Variants in MIPOL1 observed in about 807,000 individuals in gnomAD.
MIPOL1 encodes the protein mirror-image polydactyly 1.
Under a neutral mutation model 60.9 loss-of-function variants are expected in MIPOL1, and 57 were observed. That is an observed-to-expected ratio of 0.94 (90% CI 0.76 to 1.17). The LOEUF is 1.17. MIPOL1 is among the 50% of genes most tolerant of loss of function. The probability of loss-of-function intolerance (pLI) is 0.00; values close to 1 mark genes in which losing one functional copy is unlikely to be tolerated. For missense variants in MIPOL1, 551 were observed against 511.6 expected (o/e 1.08, Z -0.74); for synonymous variants, 179 against 168.8 (o/e 1.06, Z -0.47).
intron 10 of MIPOL1, among the ~76,000 whole-genome samples, chr14:37,393,874 A>AAGTCCAT (rs1318213049): frequency 4.7e-5 from 7 of 150,208 alleles, no homozygotes; most frequent in African/African-American, 1.7e-4. Flanking sequence ...CAAGTCCCCA[A>AAGTCCAT]AGTCCATTGT....
At chr14:37,386,872 G>T in intron 10 of MIPOL1, among the ~76,000 whole-genome samples, 1 of 151,864 alleles carries the variant, frequency 6.6e-6, no homozygotes, top group East Asian at 1.9e-4. Flanking sequence ...CTCCATAATG[G>T]CTACACATAT....
chr14:37,359,825 C>T (rs868251697), intron 9 of MIPOL1, among the ~76,000 whole-genome samples: 14 of 152,074 alleles, frequency 9.2e-5, no homozygotes, highest in East Asian at 1.9e-4. Context: ...TTCTCTTGCC[C>T]GATTGCCCTG....
intron 9 of MIPOL1, among the ~76,000 whole-genome samples, chr14:37,360,411 T>A (rs1191713694): frequency 6.6e-6 from 1 of 152,220 alleles, no homozygotes; most frequent in African/African-American, 2.4e-5. Context: ...CTCCTCTTCG[T>A]ACCTCTGGTA....
chr14:37,262,728 A>G (rs188588105), intron 3 of MIPOL1, among the ~76,000 whole-genome samples: 198 of 152,124 alleles, frequency 1.3e-3, no homozygotes, highest in African/African-American at 4.5e-3. Flanking sequence ...ACTTCTATCC[A>G]CCCTTTCTCT....
chr14:37,227,294 C>T (rs1383804838), intron 1 of MIPOL1, among the ~76,000 whole-genome samples: 1 of 152,078 alleles, frequency 6.6e-6, no homozygotes, highest in Non-Finnish European at 1.5e-5. Flanking sequence ...GCATTTCCCC[C>T]AAAGAGGTGA....
At chr14:37,378,311 T>C (rs2092830831) in intron 10 of MIPOL1, among the ~76,000 whole-genome samples, 1 of 152,070 alleles carries the variant, frequency 6.6e-6, no homozygotes, top group African/African-American at 2.4e-5. Flanking sequence ...AACAGATGAA[T>C]GTCCACACAA....
At chr14:37,262,537 CCTT>C (rs997660472) in intron 3 of MIPOL1, among the ~76,000 whole-genome samples, 2 of 152,048 alleles carry the variant, frequency 1.3e-5, no homozygotes, top group African/African-American at 4.8e-5. Flanking sequence ...TAAGGTGTAA[CCTT>C]CTTTTCTCAC....
At chr14:37,448,063 A>G (rs183993235) in intron 11 of MIPOL1, among the ~76,000 whole-genome samples, 1 of 152,298 alleles carries the variant, frequency 6.6e-6, no homozygotes, top group Non-Finnish European at 1.5e-5. Flanking sequence ...TGCAAACTGG[A>G]TATGCTCTTA....
chr14:37,383,352 G>T (rs899859881), intron 10 of MIPOL1, among the ~76,000 whole-genome samples: 3 of 151,524 alleles, frequency 2.0e-5, no homozygotes, highest in African/African-American at 7.3e-5. Flanking sequence ...CAGCATTTTT[G>T]TCCTTCTTTC....
At position 37,323,559 on chromosome 14, in the gene MIPOL1, G is replaced by C. The variant is rs148284405; in HGVS notation, c.828+15040G>C. 7.3e-3 allele frequency among the ~76,000 whole-genome samples: 1,112 copies of C among 152,046 alleles called. 54 individuals are homozygous for C. Among genetic ancestry groups the C allele is most frequent in the Admixed American group, 0.063 (962 of 15,234 alleles). Reference sequence around the variant, plus strand: ...GGTTTTAACAATCATTGAAAATTCAGAGAGTTTTTCACTGTTAATCTTTAC... The same window carrying C: ...GGTTTTAACAATCATTGAAAATTCACAGAGTTTTTCACTGTTAATCTTTAC... On this transcript the variant is annotated intron_variant, in intron 9 of 12. Coordinates refer to ENST00000684589, the MANE Select transcript of MIPOL1 (RefSeq NM_001388067.1).
chr14:37,436,217 A>T (rs187148680), intron 11 of MIPOL1, among the ~76,000 whole-genome samples: 1 of 152,312 alleles, frequency 6.6e-6, no homozygotes, highest in African/African-American at 2.4e-5. Context: ...CTTCCACTTG[A>T]TACAGAAGCA....
intron 11 of MIPOL1, among the ~76,000 whole-genome samples, chr14:37,476,581 T>C (rs2094777870): frequency 6.6e-6 from 1 of 152,212 alleles, no homozygotes; most frequent in South Asian, 2.1e-4. Flanking sequence ...ATAGATGTTC[T>C]GTATAAAATT....
intron 11 of MIPOL1, among the ~76,000 whole-genome samples, chr14:37,480,906 A>G (rs189438228): frequency 3.5e-3 from 527 of 152,314 alleles, no homozygotes; most frequent in Non-Finnish European, 6.4e-3. Flanking sequence ...TGGGAGGCCA[A>G]AGCAGGAGGA....
At chr14:37,277,589 T>A (rs543458221) in intron 6 of MIPOL1, 1 of 151,240 alleles carries the variant, frequency 6.6e-6, no homozygotes, top group South Asian at 2.1e-4. Context: ...ATGCTTTTGA[T>A]TCATTGTCTT....
At chr14:37,338,407 G>GC (rs1173855547) in intron 9 of MIPOL1, among the ~76,000 whole-genome samples, 1 of 37,584 alleles carries the variant, frequency 2.7e-5, no homozygotes, top group African/African-American at 9.3e-5. Flanking sequence ...ACCGCGCCTG[G>GC]CCCCCCCTTT....
At chr14:37,521,910 A>ATATTTT (rs572835469) in intron 12 of MIPOL1, among the ~76,000 whole-genome samples, 1 of 132,770 alleles carries the variant, frequency 7.5e-6, no homozygotes, top group African/African-American at 2.8e-5. Flanking sequence ...ATATATATAT[A>ATATTTT]TTTTTTTTTT....
intron 9 of MIPOL1, among the ~76,000 whole-genome samples, chr14:37,321,660 TC>T (rs2088587549): frequency 6.6e-6 from 1 of 152,064 alleles, no homozygotes. Flanking sequence ...GTGTCAGTTA[TC>T]AAGAGAGATG....
At chr14:37,287,191 A>G (rs898985420) in intron 7 of MIPOL1, among the ~76,000 whole-genome samples, 1 of 150,708 alleles carries the variant, frequency 6.6e-6, no homozygotes, top group African/African-American at 2.4e-5. Flanking sequence ...CTTGTTGACT[A>G]TATATGTATA....
rs748619969 is a variant in MIPOL1 at position 37,267,149 on chromosome 14, C to G, written c.231C>G (p.Tyr77Ter). The G allele has an allele frequency of 6.2e-7, 1 of 1,613,154 alleles. No individual in the cohort carries two copies. Among genetic ancestry groups the G allele is most frequent in the Admixed American group, 1.7e-5 (1 of 60,000 alleles). ...CTTATCCAGATGATGAGTCTGTTTA[C>G]TGCACTACTGAAAAATACAAGTAAG... ...ISSYPDDESV[Y>*]CTTEKYNVME... is the part of the protein sequence containing the mutation. The change falls in exon 4 of 13, where the codon TAC becomes TAG. Residue 77 changes from tyrosine to a stop codon, truncating the protein, a stop_gained. Transcript: ENST00000684589. LOFTEE classifies it high-confidence loss of function.
Sources: gnomAD v4.1 joint callset for allele counts (sites outside exome capture counted in the v4.1 genomes callset) on GRCh38, gnomAD v4.1.1 for gene constraint, MANE v1.5 for transcripts, NCBI Gene and HGNC (gene_info 2026-07-23, HGNC 2026-07-21) for gene names.